Variants in ZNF563 observed in about 807,000 individuals in gnomAD.
ZNF563 encodes zinc finger protein 563.
A neutral mutation model predicts 48.5 loss-of-function variants in ZNF563; 39 were observed. The ratio of observed to expected loss-of-function variants is 0.80; its 90% CI spans 0.62 to 1.05. The LOEUF is 1.05. ZNF563 is among the 50% of genes least tolerant of loss of function. The probability of loss-of-function intolerance (pLI) is 0.00; values close to 1 mark genes in which losing one functional copy is unlikely to be tolerated. For synonymous variants in ZNF563, 168 were observed against 187.9 expected (o/e 0.89, Z 0.87); for missense variants, 538 against 597.0 (o/e 0.90, Z 1.03).
At chr19:12,330,641 G>A (rs1968898024) in intron 1 of ZNF563, among the ~76,000 whole-genome samples, 1 of 152,162 alleles carries the variant, frequency 6.6e-6, no homozygotes, top group Non-Finnish European at 1.5e-5. Context: ...GGTATTGCCA[G>A]GCAGCGATAC....
Position 12,319,825 on chromosome 19 carries a change from A to G in ZNF563, c.200T>C (p.Met67Thr). The G allele has an allele frequency of 6.8e-6, 11 of 1,609,042 alleles. No individual in the cohort carries two copies. The highest frequency in any genetic ancestry group is 7.6e-6 in the Non-Finnish European group (9 of 1,176,818). The change falls in exon 4 of 4, where the codon ATG becomes ACG. Residue 67 changes from methionine (M) to threonine (T), a missense_variant. Coordinates refer to ENST00000293725, the MANE Select transcript of ZNF563 (RefSeq NM_145276.3). ...KNPRRNLRCH[M>T]VERFSESKDS... ...TTTACTTTCACTGAATCTCTCTACC[A>G]TATGACATCTGTAAAAAATGAGTAG...
chr19:12,327,912 A>C (rs756831236), intron 1 of ZNF563, among the ~76,000 whole-genome samples: 2 of 152,224 alleles, frequency 1.3e-5, no homozygotes, highest in Non-Finnish European at 2.9e-5. Context: ...ATAAAGTAAA[A>C]AATTACAAAA....
the ZNF563 span, among the ~76,000 whole-genome samples, chr19:12,342,024 C>A: frequency 6.6e-6 from 1 of 152,116 alleles, no homozygotes; most frequent in South Asian, 2.1e-4. Context: ...GTATCTTTTT[C>A]TTTTTGAGAC....
the ZNF563 span, chr19:12,347,215 A>G: frequency 6.6e-6 from 1 of 152,220 alleles, no homozygotes; most frequent in South Asian, 2.1e-4. Context: ...CCCAGTGACC[A>G]AATACTTGCC....
the ZNF563 span, among the ~76,000 whole-genome samples, chr19:12,339,958 T>C: frequency 6.6e-6 from 1 of 152,146 alleles, no homozygotes; most frequent in Non-Finnish European, 1.5e-5. Context: ...ATATAAATGA[T>C]CCTTCATAAG....
the ZNF563 span, chr19:12,346,888 T>C: frequency 6.6e-6 from 1 of 152,190 alleles, no homozygotes; most frequent in East Asian, 1.9e-4. Context: ...CTATGAATAG[T>C]CAAATTCACA....
Position 12,322,580 on chromosome 19 carries a change from C to T in ZNF563, c.130+5G>A. The T allele has an allele frequency of 6.3e-7, 1 of 1,590,624 alleles. No homozygotes were observed. The highest frequency in any genetic ancestry group is 8.6e-7 in the Non-Finnish European group (1 of 1,168,062). On this transcript the variant is annotated splice_donor_5th_base_variant and intron_variant, in intron 2 of 3. Coordinates refer to ENST00000293725, the MANE Select transcript of ZNF563 (RefSeq NM_145276.3). ...GATTAAGTGAAGACATGGTATCATCCTTACTTATACAGTCCAGGTTCCTGA... is the reference window on the plus strand; with the variant it reads ...GATTAAGTGAAGACATGGTATCATCTTTACTTATACAGTCCAGGTTCCTGA...
intron 1 of ZNF563, among the ~76,000 whole-genome samples, chr19:12,323,717 A>G (rs945870907): frequency 6.6e-6 from 1 of 152,180 alleles, no homozygotes; most frequent in African/African-American, 2.4e-5. Flanking sequence ...AAAAAACACT[A>G]TAGGCACTGG....
chr19:12,330,523 A>G (rs1408458919), intron 1 of ZNF563, among the ~76,000 whole-genome samples: 1 of 152,218 alleles, frequency 6.6e-6, no homozygotes, highest in African/African-American at 2.4e-5. Flanking sequence ...GTCTACAGTA[A>G]TCAGGAGAGT....
chr19:12,319,568 G>A lies in ZNF563; in HGVS notation c.457C>T (p.His153Tyr). The A allele has an allele frequency of 6.2e-7, 1 of 1,614,120 alleles. No homozygotes were observed. Among genetic ancestry groups the A allele is most frequent in the Non-Finnish European group, 8.5e-7 (1 of 1,180,028 alleles). Residue 153 changes from histidine to tyrosine, a missense_variant, in exon 4 of 4, where the codon CAT becomes TAT. By Grantham distance (83) the His-to-Tyr change is moderately conservative. Transcript: ENST00000293725. ...HKQRGKAFSY[H>Y]HSFQSRGRPH... ...CTTCCACGCGACTGAAAGGAGTGAT[G>A]GTAACTGAAGGCTTTCCCACGTTGT...
intron 1 of ZNF563, among the ~76,000 whole-genome samples, chr19:12,328,775 AAATAAATAAAT>A (rs1245581113): frequency 2.0e-5 from 3 of 151,630 alleles, no homozygotes; most frequent in Non-Finnish European, 4.4e-5. Flanking sequence ...ATCTCAAAAT[AAATAAATAAAT>A]AATAAATAAA....
intron 1 of ZNF563, among the ~76,000 whole-genome samples, chr19:12,323,796 C>T (rs911919489): frequency 3.3e-5 from 5 of 152,126 alleles, no homozygotes; most frequent in Non-Finnish European, 7.3e-5. Flanking sequence ...TTGGAGGATT[C>T]GGCACATCCT....
the ZNF563 span, among the ~76,000 whole-genome samples, chr19:12,345,010 A>C: frequency 6.6e-6 from 1 of 152,202 alleles, no homozygotes; most frequent in Admixed American, 6.5e-5. Flanking sequence ...AAAGTAAAAC[A>C]CTTAAAAATA....
At chr19:12,343,823 C>A in the ZNF563 span, among the ~76,000 whole-genome samples, 1 of 150,504 alleles carries the variant, frequency 6.6e-6, no homozygotes, top group Non-Finnish European at 1.5e-5. Flanking sequence ...CTCTGCCTCC[C>A]GGGTTCACGC....
chr19:12,318,900 A>T lies in ZNF563; in HGVS notation c.1125T>A (p.Ser375=). The change falls in exon 4 of 4, where the codon TCT becomes TCA. Residue 375 remains serine, a synonymous_variant. Transcript: ENST00000293725. The part of the protein sequence containing the change: ...YECKQCGKTL[S]HSSSFRRHMI... ...TGTGTCTTCGAAAGCTTGAGCTATG[A>T]GATAACGTTTTCCCACACTGCTTGC... The T allele has an allele frequency of 1.2e-6, 2 of 1,614,220 alleles. No homozygotes were observed. Among genetic ancestry groups the T allele is most frequent in the Non-Finnish European group, 1.7e-6 (2 of 1,180,038 alleles).
the ZNF563 span, among the ~76,000 whole-genome samples, chr19:12,342,515 G>A: frequency 0.036 from 5,510 of 151,364 alleles, 328 homozygotes; most frequent in African/African-American, 0.13. Context: ...CCTCAAACCT[G>A]TAATCCCAAA....
rs1968474751 is a variant in ZNF563 at position 12,317,875 on chromosome 19, C to T, written c.*719G>A. On this transcript the variant is annotated 3_prime_UTR_variant, in exon 4 of 4. Transcript: ENST00000293725. Reference sequence around the variant, plus strand: ...TGAAATAACATTAAAGAATACTTCCCTACATTTCACACATTTATAGAGTAT... The same window carrying T: ...TGAAATAACATTAAAGAATACTTCCTTACATTTCACACATTTATAGAGTAT... 1 of 175,800 alleles carries T rather than the reference C, an allele frequency of 5.7e-6. No homozygotes were observed. Among genetic ancestry groups the T allele is most frequent in the Non-Finnish European group, 1.4e-5 (1 of 73,734 alleles). The allele number at this position is 175,800 out of a possible 1,614,324, so 10.9% of individuals were successfully genotyped here.
intron 1 of ZNF563, among the ~76,000 whole-genome samples, chr19:12,330,477 G>C (rs1968894091): frequency 6.6e-6 from 1 of 152,102 alleles, no homozygotes; most frequent in South Asian, 2.1e-4. Context: ...ATTAAGACAG[G>C]GAAGCGCTTT....
At position 12,319,210 on chromosome 19, in the gene ZNF563, T is replaced by A; in HGVS notation, c.815A>T (p.Glu272Val). Residue 272 changes from glutamate to valine, a missense_variant, in exon 4 of 4, where the codon GAA becomes GTA. By Grantham distance (121) the Glu-to-Val change is moderately radical. Coordinates refer to ENST00000293725, the MANE Select transcript of ZNF563 (RefSeq NM_145276.3). The stretch of plus-strand genomic sequence containing the variant: ...TGGTTTCTCTCCAGTGTGAGTTCTT[T>A]CATGTCTTATATAGGAACTGGAATC... Reference protein sequence around the residue: ...LPDSSSYIRHERTHTGEKPYT... With the variant: ...LPDSSSYIRHVRTHTGEKPYT... 6.2e-7 allele frequency: 1 copy of A among 1,614,146 alleles called. No homozygotes were observed. The highest frequency in any genetic ancestry group is 8.5e-7 in the Non-Finnish European group (1 of 1,180,028).
Sources: allele counts gnomAD v4.1 joint callset (sites outside exome capture counted in the v4.1 genomes callset), GRCh38; gene constraint gnomAD v4.1.1; transcripts MANE v1.5; gene names NCBI Gene and HGNC (gene_info 2026-07-23, HGNC 2026-07-21).